OLFML1: variants seen among roughly 807,000 people sequenced by gnomAD.
OLFML1 encodes olfactomedin like 1.
Under a neutral mutation model 37.3 loss-of-function variants are expected in OLFML1, and 33 were observed. The observed-to-expected ratio is 0.88, with a 90% confidence interval of 0.67 to 1.18. The LOEUF (loss-of-function observed/expected upper bound fraction) is 1.18, where lower values mean the gene tolerates loss of function less well. Among genes scored for constraint, OLFML1 ranks in the 50% most tolerant of loss-of-function variants. OLFML1 has a pLI of 0.00. For missense variants in OLFML1, 545 were observed against 483.7 expected (o/e 1.13, Z -1.19); for synonymous variants, 186 against 181.3 (o/e 1.03, Z -0.21).
chr11:7,489,108 T>C (rs1848565212), intron 2 of OLFML1: 1 of 152,242 alleles, frequency 6.6e-6, no homozygotes, highest in Non-Finnish European at 1.5e-5. Context: ...GATGTTTTCA[T>C]TGCAAATAGG....
intron 2 of OLFML1, among the ~76,000 whole-genome samples, chr11:7,500,759 C>A (rs1848713682): frequency 6.7e-6 from 1 of 150,338 alleles, no homozygotes; most frequent in African/African-American, 2.5e-5. Flanking sequence ...CGGGGCTGGG[C>A]ATGGTAGCTC....
chr11:7,490,347 C>A (rs1225492015), intron 2 of OLFML1, among the ~76,000 whole-genome samples: 2 of 152,064 alleles, frequency 1.3e-5, no homozygotes, highest in Non-Finnish European at 2.9e-5. Flanking sequence ...ACAGGGGCTT[C>A]CTAAAAAGCT....
At position 7,485,715 on chromosome 11, in the gene OLFML1, G is replaced by A. The variant is rs1355989192; in HGVS notation, c.-161G>A. 5 of 723,728 alleles carry A rather than the reference G, an allele frequency of 6.9e-6. No individual in the cohort carries two copies. Among genetic ancestry groups the A allele is most frequent in the South Asian group, 5.4e-5 (3 of 55,114 alleles). 44.8% of individuals were successfully genotyped at this position (723,728 alleles called of 1,614,324 possible). A position where few individuals can be genotyped will look rare whatever the true frequency, so the allele number is the denominator to read the frequency against. ...AGCTGGCAAACTGAGCTCACGTATC[G>A]GGTGGAATAACAAGCGGACTTTGCT... On this transcript the variant is annotated 5_prime_UTR_variant, in exon 1 of 3. Coordinates refer to ENST00000329293, the MANE Select transcript of OLFML1 (RefSeq NM_198474.4).
In OLFML1 at chr11:7,499,200, C is replaced by T. The variant is rs555206021; in HGVS notation, c.419-10198C>T. Among the ~76,000 whole-genome samples the T allele has an allele frequency of 2.2e-4, 33 of 152,326 alleles. 1 individual carries two copies. The East Asian group carries it at 3.9e-3, about 18-fold the overall frequency. On this transcript the variant is annotated intron_variant, in intron 2 of 2. Transcript: ENST00000329293. ...CTTGTGTATGAATTTACTGTGAGGC[C>T]TTGCGCCAAATTCTATCCTAATTGC...
intron 2 of OLFML1, among the ~76,000 whole-genome samples, chr11:7,502,900 C>T (rs1848740503): frequency 1.3e-5 from 2 of 152,208 alleles, no homozygotes; most frequent in African/African-American, 4.8e-5. Context: ...GCCACTGCTC[C>T]TGGCCTTATG....
intron 1 of OLFML1, among the ~76,000 whole-genome samples, 158 bp from the exon 2 acceptor site, chr11:7,487,963 GTATCAA>G (rs1463834782): frequency 1.3e-5 from 2 of 151,590 alleles, no homozygotes; most frequent in African/African-American, 2.4e-5. Flanking sequence ...ATATACTCAA[GTATCAA>G]TACTACCTTT....
Position 7,485,640 on chromosome 11 carries a change from A to G in OLFML1, c.-236A>G. 1 of 488,228 alleles carries G rather than the reference A, an allele frequency of 2.0e-6. No homozygotes were observed. Among genetic ancestry groups the G allele is most frequent in the Admixed American group, 3.6e-5 (1 of 27,990 alleles). The allele number at this position is 488,228 out of a possible 1,614,324, so 30.2% of individuals were successfully genotyped here. A position where few individuals can be genotyped will look rare whatever the true frequency, so the allele number is the denominator to read the frequency against. On this transcript the variant is annotated 5_prime_UTR_variant, in exon 1 of 3. Coordinates refer to ENST00000329293, the MANE Select transcript of OLFML1 (RefSeq NM_198474.4). ...CCCAGGGAGCTCTCTGCCACAGGTC[A>G]GTCTACAAGGCCTCAGGGACCAACT...
intron 2 of OLFML1, 150 bp downstream of exon 2, chr11:7,488,565 A>G: frequency 4.9e-6 from 3 of 613,870 alleles, no homozygotes; most frequent in South Asian, 4.3e-5. Flanking sequence ...AAAGCTATAC[A>G]GAGAACAGGT....
In OLFML1 at chr11:7,510,096, T is replaced by G; in HGVS notation, c.1117T>G (p.Tyr373Asp). Residue 373 changes from tyrosine (Y) to aspartate (D), a missense_variant, in exon 3 of 3, where the codon TAC (tyrosine) becomes GAC (aspartate). Coordinates refer to ENST00000329293, the MANE Select transcript of OLFML1 (RefSeq NM_198474.4). ...KRPRSHSMIHYNPRDKQLYAW... is the reference protein window; with the variant it reads ...KRPRSHSMIHDNPRDKQLYAW... ...ACCAAGAAGTCACTCCATGATCCATTACAACCCCAGAGATAAGCAGCTCTA... is the reference window on the plus strand; with the variant it reads ...ACCAAGAAGTCACTCCATGATCCATGACAACCCCAGAGATAAGCAGCTCTA... 1.9e-6 allele frequency: 3 copies of G among 1,614,224 alleles called. No individual in the cohort carries two copies. The highest frequency in any genetic ancestry group is 2.5e-6 in the Non-Finnish European group (3 of 1,180,038).
At chr11:7,490,140 G>A (rs1296596571) in intron 2 of OLFML1, among the ~76,000 whole-genome samples, 1 of 127,824 alleles carries the variant, frequency 7.8e-6, no homozygotes, top group East Asian at 2.8e-4. Flanking sequence ...GGTGGGGGGG[G>A]GGGCGGGGAA....
At position 7,510,429 on chromosome 11, in the gene OLFML1, C is replaced by A. The variant is rs1848846869; in HGVS notation, c.*241C>A. ...TCCATTACTCCCCCAAACCTCCTGG[C>A]TCTCAAGGATGACCACATTCTGATA... On this transcript the variant is annotated 3_prime_UTR_variant, in exon 3 of 3. Transcript: ENST00000329293. The A allele has an allele frequency of 2.2e-6, 1 of 458,488 alleles. No homozygotes were observed. Among genetic ancestry groups the A allele is most frequent in the East Asian group, 3.5e-5 (1 of 28,282 alleles). 28.4% of individuals were successfully genotyped at this position (458,488 alleles called of 1,614,324 possible). A position where few individuals can be genotyped will look rare whatever the true frequency, so the allele number is the denominator to read the frequency against.
chr11:7,490,305 G>A (rs552564493), intron 2 of OLFML1, among the ~76,000 whole-genome samples: 2 of 152,268 alleles, frequency 1.3e-5, no homozygotes, highest in African/African-American at 4.8e-5. Flanking sequence ...TAAGCACAGA[G>A]TGAGGGAAGG....
chr11:7,485,726 C>G lies in OLFML1; in HGVS notation c.-150C>G. 2 of 777,282 alleles carry G rather than the reference C, an allele frequency of 2.6e-6. No homozygotes were observed. The highest frequency in any genetic ancestry group is 3.5e-5 in the South Asian group (2 of 56,830). The allele number at this position is 777,282 out of a possible 1,614,324, so 48.1% of individuals were successfully genotyped here. ...TGAGCTCACGTATCGGGTGGAATAA[C>G]AAGCGGACTTTGCTCTCTGCTGTGC... On this transcript the variant is annotated 5_prime_UTR_variant, in exon 1 of 3. Coordinates refer to ENST00000329293, the MANE Select transcript of OLFML1 (RefSeq NM_198474.4).
At chr11:7,487,132 C>A (rs1848533058) in intron 1 of OLFML1, among the ~76,000 whole-genome samples, 1 of 152,196 alleles carries the variant, frequency 6.6e-6, no homozygotes, top group Admixed American at 6.5e-5. Flanking sequence ...GTATGAAGTA[C>A]AGACTGATCC....
At chr11:7,500,552 C>T (rs1413062378) in intron 2 of OLFML1, among the ~76,000 whole-genome samples, 1 of 152,148 alleles carries the variant, frequency 6.6e-6, no homozygotes, top group Non-Finnish European at 1.5e-5. Context: ...GTGACCTTTC[C>T]AAGTAACTTA....
At chr11:7,488,500 T>C (rs1022130229) in intron 2 of OLFML1, 85 bp downstream of exon 2, 41 of 1,095,360 alleles carry the variant, frequency 3.7e-5, no homozygotes, top group African/African-American at 1.4e-4. Context: ...GGGAGCATCA[T>C]AGAGTAATGA....
At chr11:7,509,183 G>C (rs1848821786) in intron 2 of OLFML1, among the ~76,000 whole-genome samples, 1 of 152,086 alleles carries the variant, frequency 6.6e-6, no homozygotes, top group Non-Finnish European at 1.5e-5. Context: ...TTTTTCTTAA[G>C]GAAACAAAAT....
rs1002775562 is a variant in OLFML1 at position 7,510,442 on chromosome 11, C to T, written c.*254C>T. The T allele has an allele frequency of 3.9e-5, 17 of 435,566 alleles. No individual in the cohort carries two copies. Among genetic ancestry groups the T allele is most frequent in the African/African-American group, 1.4e-4 (7 of 50,918 alleles). The allele number at this position is 435,566 out of a possible 1,614,324, so 27.0% of individuals were successfully genotyped here. A position where few individuals can be genotyped will look rare whatever the true frequency, so the allele number is the denominator to read the frequency against. On this transcript the variant is annotated 3_prime_UTR_variant, in exon 3 of 3. Transcript: ENST00000329293. ...CAAACCTCCTGGCTCTCAAGGATGACCACATTCTGATACAGCCTACTTCAA... is the reference window on the plus strand; with the variant it reads ...CAAACCTCCTGGCTCTCAAGGATGATCACATTCTGATACAGCCTACTTCAA...
chr11:7,508,755 A>G (rs968945222), intron 2 of OLFML1, among the ~76,000 whole-genome samples: 16 of 152,358 alleles, frequency 1.1e-4, no homozygotes, highest in African/African-American at 3.8e-4. Context: ...TCACTAGAAG[A>G]TAATCTCGAG....
Sources: gnomAD v4.1 joint callset for allele counts (sites outside exome capture counted in the v4.1 genomes callset) on GRCh38, gnomAD v4.1.1 for gene constraint, MANE v1.5 for transcripts, NCBI Gene and HGNC (gene_info 2026-07-23, HGNC 2026-07-21) for gene names.